Variants in DRC9 observed in about 807,000 individuals in gnomAD.
The protein encoded by DRC9 is dynein regulatory complex protein 9.
chr3:197,931,489 C>A, the DRC9 span, among the ~76,000 whole-genome samples: 6 of 137,938 alleles, frequency 4.3e-5, no homozygotes, highest in Non-Finnish European at 9.1e-5. Flanking sequence ...CTCAAAAAAA[C>A]AAAACAAACA....
chr3:197,905,501 C>T, the DRC9 span, among the ~76,000 whole-genome samples: 1 of 152,096 alleles, frequency 6.6e-6, no homozygotes, highest in South Asian at 2.1e-4. Flanking sequence ...AATCTCAGCA[C>T]TTCGGGAGGC....
At chr3:197,951,327 T>A in the DRC9 span, 1 of 1,613,668 alleles carries the variant, frequency 6.2e-7, no homozygotes, top group Non-Finnish European at 8.5e-7. Flanking sequence ...TTTATGACAC[T>A]GGTAGGTTTT....
the DRC9 span, among the ~76,000 whole-genome samples, chr3:197,948,899 T>A: frequency 3.3e-5 from 5 of 152,198 alleles, no homozygotes; most frequent in Admixed American, 6.6e-5. Context: ...TACAGGAACC[T>A]ATAATTATCT....
chr3:197,909,499 C>T, the DRC9 span, among the ~76,000 whole-genome samples: 1 of 152,168 alleles, frequency 6.6e-6, no homozygotes, highest in South Asian at 2.1e-4. Flanking sequence ...AAGAAGGTTT[C>T]GCAATGTTAT....
chr3:197,896,596 A>C, the DRC9 span, among the ~76,000 whole-genome samples: 2 of 152,238 alleles, frequency 1.3e-5, no homozygotes, highest in African/African-American at 4.8e-5. Context: ...TGGGCGGCTC[A>C]TAAACAAATT....
chr3:197,926,084 C>T, the DRC9 span: 4 of 1,571,220 alleles, frequency 2.5e-6, no homozygotes, highest in Non-Finnish European at 2.6e-6. Context: ...GTGATATTAT[C>T]TGTTTTCTTC....
At chr3:197,889,153 T>C in the DRC9 span, 3 of 183,868 alleles carry the variant, frequency 1.6e-5, no homozygotes, top group South Asian at 1.3e-4. Flanking sequence ...TAACATCATA[T>C]TGTAATTCCT....
the DRC9 span, chr3:197,913,618 T>G: frequency 1.7e-6 from 1 of 582,054 alleles, no homozygotes; most frequent in Non-Finnish European, 3.1e-6. Flanking sequence ...TTTGCCAAAA[T>G]AAGAAGTGAC....
chr3:197,909,988 C>CA, the DRC9 span, among the ~76,000 whole-genome samples: 1 of 152,076 alleles, frequency 6.6e-6, no homozygotes, highest in Non-Finnish European at 1.5e-5. Flanking sequence ...AGACTCCTCT[C>CA]AAAAACAAAA....
chr3:197,955,730 G>C, the DRC9 span: 128 of 1,589,582 alleles, frequency 8.1e-5, no homozygotes, highest in Non-Finnish European at 1.0e-4. Context: ...CTAATGTTTT[G>C]TGTTCTTTTT....
the DRC9 span, among the ~76,000 whole-genome samples, chr3:197,890,334 A>G: frequency 6.6e-6 from 1 of 151,964 alleles, no homozygotes; most frequent in Non-Finnish European, 1.5e-5. Context: ...GAGCCCGGGA[A>G]GCAGAGGTTG....
At chr3:197,950,495 G>A in the DRC9 span, 1 of 347,722 alleles carries the variant, frequency 2.9e-6, no homozygotes. Context: ...TGTCCATGAG[G>A]CAGTGCTTCC....
chr3:197,891,375 T>C, the DRC9 span: 2 of 798,776 alleles, frequency 2.5e-6, no homozygotes, highest in Admixed American at 3.8e-5. Flanking sequence ...TGTTTGATAA[T>C]GAATTGGAAA....
chr3:197,899,064 A>T, the DRC9 span, among the ~76,000 whole-genome samples: 4 of 152,324 alleles, frequency 2.6e-5, no homozygotes, highest in Admixed American at 1.3e-4. Flanking sequence ...GATGAAACAG[A>T]TTATTTTCTA....
At chr3:197,935,099 T>C in the DRC9 span, among the ~76,000 whole-genome samples, 2 of 152,200 alleles carry the variant, frequency 1.3e-5, no homozygotes, top group Non-Finnish European at 2.9e-5. Flanking sequence ...ATAGCCAGTT[T>C]TAGCTGGTAT....
the DRC9 span, chr3:197,889,404 C>A: frequency 1.4e-6 from 1 of 718,512 alleles, no homozygotes; most frequent in African/African-American, 1.8e-5. Context: ...GGTTTGAAAA[C>A]CCACCTAACA....
chr3:197,951,223 G>A, the DRC9 span: 6 of 1,614,090 alleles, frequency 3.7e-6, no homozygotes, highest in Non-Finnish European at 5.1e-6. Context: ...GGAGCACACA[G>A]CTCTTCTTAA....
chr3:197,936,427 C>T, the DRC9 span, among the ~76,000 whole-genome samples: 3 of 152,104 alleles, frequency 2.0e-5, no homozygotes, highest in Admixed American at 2.0e-4. Context: ...TGCAGTGGCA[C>T]AATCACGGCT....
the DRC9 span, among the ~76,000 whole-genome samples, chr3:197,925,619 C>T: frequency 1.4e-5 from 2 of 147,328 alleles, no homozygotes; most frequent in East Asian, 2.0e-4. Context: ...GACGGAATCT[C>T]GCTCTGTCAC....
Sources: gnomAD v4.1 joint callset for allele counts (sites outside exome capture counted in the v4.1 genomes callset) on GRCh38, gnomAD v4.1.1 for gene constraint, MANE v1.5 for transcripts, NCBI Gene and HGNC (gene_info 2026-07-23, HGNC 2026-07-21) for gene names.